Variants in EGF observed in about 807,000 individuals in gnomAD.
EGF encodes epidermal growth factor.
In EGF, 95 loss-of-function variants were observed where a neutral mutation model predicts 143.8. The ratio of observed to expected loss-of-function variants is 0.66; its 90% CI spans 0.56 to 0.78. The LOEUF (loss-of-function observed/expected upper bound fraction) is 0.78, where lower values mean the gene tolerates loss of function less well. Among genes scored for constraint, EGF ranks in the 30% least tolerant of loss-of-function variants. The pLI is 0.00. For synonymous variants in EGF, 510 were observed against 510.5 expected, an observed-to-expected ratio of 1.00 and a Z score of 0.01; for missense variants, 1,320 against 1,470.9, an observed-to-expected ratio of 0.90 and a Z score of 1.68.
chr4:109,964,579 G>T (rs1418389716), intron 10 of EGF, 42 bp downstream of exon 10: 2 of 1,612,892 alleles, frequency 1.2e-6, no homozygotes, highest in Non-Finnish European at 1.7e-6. Flanking sequence ...ATGCTTTAAG[G>T]ACAGAGTAGA....
chr4:109,957,277 C>A (rs899559534), intron 5 of EGF, among the ~76,000 whole-genome samples: 1 of 152,136 alleles, frequency 6.6e-6, no homozygotes, highest in Non-Finnish European at 1.5e-5. Flanking sequence ...TTATCTGACC[C>A]CCTGACGGAT....
At chr4:109,957,424 G>C (rs1378324109) in intron 5 of EGF, among the ~76,000 whole-genome samples, 1 of 152,210 alleles carries the variant, frequency 6.6e-6, no homozygotes, top group Non-Finnish European at 1.5e-5. Context: ...TATATATCAT[G>C]CTCAAGCAAT....
At chr4:109,967,140 C>A (rs868639730) in intron 10 of EGF, among the ~76,000 whole-genome samples, 83 of 152,116 alleles carry the variant, frequency 5.5e-4, no homozygotes, top group African/African-American at 1.9e-3. Context: ...AGAAGAGTTT[C>A]TTTTAGTTCT....
Position 109,960,973 on chromosome 4 carries a change from T to A in EGF, c.1173T>A (p.Asp391Glu), listed in dbSNP as rs1469434447. Residue 391 changes from aspartate to glutamate, a missense_variant, in exon 7 of 24, where the codon GAT becomes GAA. By Grantham distance (45) the Asp-to-Glu change is conservative. Transcript: ENST00000265171. ...CTGTAGGATTTGTTCTGCTTCCTGA[T>A]GGGAAACGATGTCATCGTAAGTTAT... is the stretch of plus-strand genomic sequence containing the variant. ...TCPVGFVLLP[D>E]GKRCHQLVSC... 6.2e-7 allele frequency: 1 copy of A among 1,613,926 alleles called. No individual in the cohort carries two copies. Among genetic ancestry groups the A allele is most frequent in the Admixed American group, 1.7e-5 (1 of 59,996 alleles).
In EGF at chr4:109,979,210, T is replaced by C. The variant is rs1445173019; in HGVS notation, c.2054-762T>C. Among the ~76,000 whole-genome samples the C allele has an allele frequency of 2.6e-5, 4 of 152,010 alleles. No individual in the cohort carries two copies. In the East Asian group the frequency reaches 5.8e-4, roughly 22 times the overall value. On this transcript the variant is annotated intron_variant, in intron 13 of 23. Transcript: ENST00000265171. ...TGATAATAAATGACTCTTTCAAAAA[T>C]GTGGCTAAAAAGGGAAGGAAAGAGA...
chr4:109,974,892 C>T (rs1483070217), intron 12 of EGF, 85 bp downstream of exon 12: 47 of 991,542 alleles, frequency 4.7e-5, no homozygotes, highest in Non-Finnish European at 7.0e-5. Flanking sequence ...AAACCAGAAA[C>T]CAAGAAAATC....
rs11568990 is a variant in EGF, at chr4:109,974,691, C to A, written c.1725-12C>A. On this transcript the variant is annotated splice_polypyrimidine_tract_variant and intron_variant, in intron 11 of 23. Coordinates refer to ENST00000265171, the MANE Select transcript of EGF (RefSeq NM_001963.6). ...TGTTATAACAAACTCCCTTATTTTG[C>A]ACATATTTTAGGAAATCTCTGATTG... is the stretch of plus-strand genomic sequence containing the variant. 27,267 of 1,596,102 alleles carry A rather than the reference C, an allele frequency of 0.017. 2,482 individuals carry two copies. In the East Asian group the frequency reaches 0.24, roughly 14 times the overall value.
intron 11 of EGF, among the ~76,000 whole-genome samples, chr4:109,970,824 C>CAGAAAAA (rs1747514018): frequency 1.4e-5 from 1 of 72,974 alleles, no homozygotes. Flanking sequence ...GACTCCGTCT[C>CAGAAAAA]AAAAAAAAAA....
At chr4:109,945,754 A>G (rs1742744210) in intron 5 of EGF, among the ~76,000 whole-genome samples, 1 of 152,200 alleles carries the variant, frequency 6.6e-6, no homozygotes, top group Admixed American at 6.5e-5. Context: ...GACAGAGGAA[A>G]AGGACTTTGA....
intron 10 of EGF, 89 bp from the exon 11 acceptor site, chr4:109,968,882 C>T: frequency 6.4e-7 from 1 of 1,570,226 alleles, no homozygotes; most frequent in Non-Finnish European, 8.7e-7. Context: ...GCTCTTAACA[C>T]CCTGTACAAC....
At chr4:109,964,079 CAAG>C (rs979151898) in intron 9 of EGF, among the ~76,000 whole-genome samples, 3 of 152,138 alleles carry the variant, frequency 2.0e-5, no homozygotes, top group Non-Finnish European at 4.4e-5. Context: ...ATGTGTGAAT[CAAG>C]AAGATGTATA....
intron 1 of EGF, among the ~76,000 whole-genome samples, chr4:109,932,590 G>C (rs1336501325): frequency 1.3e-5 from 2 of 151,336 alleles, no homozygotes; most frequent in Non-Finnish European, 2.9e-5. Flanking sequence ...GTGTTAGCCA[G>C]GAAGGTCTCG....
intron 22 of EGF, 134 bp downstream of exon 22, chr4:110,004,756 C>A: frequency 2.0e-6 from 1 of 500,156 alleles, no homozygotes; most frequent in Non-Finnish European, 3.7e-6. Context: ...TTAGCCAAGA[C>A]CACATCAGCT....
chr4:109,965,527 A>G (rs2126070267), intron 10 of EGF, among the ~76,000 whole-genome samples: 1 of 152,292 alleles, frequency 6.6e-6, no homozygotes. Flanking sequence ...AATAGAAAAA[A>G]GGCAGTTCAA....
intron 1 of EGF, among the ~76,000 whole-genome samples, chr4:109,918,369 C>G (rs138729535): frequency 7.9e-5 from 12 of 151,648 alleles, no homozygotes; most frequent in Non-Finnish European, 1.6e-4. Flanking sequence ...GAGATTCTTC[C>G]GGAAGGAGTG....
chr4:110,003,139 C>G (rs1317557333), intron 21 of EGF, among the ~76,000 whole-genome samples: 1 of 152,104 alleles, frequency 6.6e-6, no homozygotes, highest in Non-Finnish European at 1.5e-5. Context: ...ATCCATGTGT[C>G]TTTATGGTAG....
chr4:110,002,064 T>C (rs1038224980), intron 21 of EGF: 8 of 984,418 alleles, frequency 8.1e-6, no homozygotes, highest in Admixed American at 6.2e-5. Context: ...AGCTCTAACA[T>C]TGAGTTTTTA....
intron 1 of EGF, among the ~76,000 whole-genome samples, chr4:109,939,038 C>A (rs551234558): frequency 6.6e-6 from 1 of 152,198 alleles, no homozygotes; most frequent in Non-Finnish European, 1.5e-5. Flanking sequence ...CTGGGAGAAC[C>A]ACTGCTCTCT....
chr4:109,941,221 T>C, intron 2 of EGF, 76 bp downstream of exon 2: 1 of 1,337,812 alleles, frequency 7.5e-7, no homozygotes, highest in Non-Finnish European at 1.1e-6. Flanking sequence ...ATTCTTAATG[T>C]ATAGATAAAT....
Sources: allele counts gnomAD v4.1 joint callset (sites outside exome capture counted in the v4.1 genomes callset), GRCh38; gene constraint gnomAD v4.1.1; transcripts MANE v1.5; gene names NCBI Gene and HGNC (gene_info 2026-07-23, HGNC 2026-07-21).